Variants in COL25A1 observed in about 807,000 individuals in gnomAD.
COL25A1 encodes the protein collagen alpha-1(XXV) chain.
Under a neutral mutation model 128.4 loss-of-function variants are expected in COL25A1, and 103 were observed. The ratio of observed to expected loss-of-function variants is 0.80; its 90% CI spans 0.68 to 0.94. The LOEUF is 0.94. Ranked by LOEUF, COL25A1 falls within the 40% of genes least tolerant of loss-of-function variation. The pLI, the probability that COL25A1 is intolerant of heterozygous loss-of-function variation, is 0.00. For missense variants in COL25A1, 745 were observed against 840.0 expected, an observed-to-expected ratio of 0.89 and a Z score of 1.40; for synonymous variants, 279 against 277.2, an observed-to-expected ratio of 1.01 and a Z score of -0.06.
At chr4:108,919,024 T>C (rs904385283) in intron 12 of COL25A1, among the ~76,000 whole-genome samples, 1 of 152,242 alleles carries the variant, frequency 6.6e-6, no homozygotes, top group Non-Finnish European at 1.5e-5. Context: ...ACACCTTCCA[T>C]TTAGGCTCTG....
At chr4:108,939,970 C>A (rs1181088026) in intron 10 of COL25A1, among the ~76,000 whole-genome samples, 1 of 152,118 alleles carries the variant, frequency 6.6e-6, no homozygotes, top group Non-Finnish European at 1.5e-5. Context: ...TTAAACCATA[C>A]CCACTGATGT....
At chr4:108,829,732 C>T (rs548426251) in intron 32 of COL25A1, among the ~76,000 whole-genome samples, 2 of 152,194 alleles carry the variant, frequency 1.3e-5, no homozygotes, top group African/African-American at 4.8e-5. Context: ...CTAGAACAGC[C>T]CACCCCCAAA....
intron 3 of COL25A1, among the ~76,000 whole-genome samples, chr4:109,134,724 G>C (rs2126074231): frequency 6.6e-6 from 1 of 152,246 alleles, no homozygotes; most frequent in East Asian, 1.9e-4. Flanking sequence ...GCTATCGACT[G>C]AGATGGGGAG....
intron 3 of COL25A1, among the ~76,000 whole-genome samples, chr4:109,241,139 T>C (rs1259587487): frequency 2.6e-5 from 4 of 152,040 alleles, no homozygotes; most frequent in Admixed American, 6.6e-5. Flanking sequence ...AAGCCTTTTC[T>C]GGGATGTAAG....
intron 13 of COL25A1, among the ~76,000 whole-genome samples, chr4:108,913,685 C>A (rs1744529637): frequency 6.6e-6 from 1 of 152,098 alleles, no homozygotes; most frequent in Admixed American, 6.5e-5. Context: ...TAGAAAAATG[C>A]AGAGTTTTAA....
At chr4:109,072,465 T>C (rs1763047472) in intron 3 of COL25A1, among the ~76,000 whole-genome samples, 1 of 152,208 alleles carries the variant, frequency 6.6e-6, no homozygotes. Flanking sequence ...GTCTTGTGGT[T>C]ACTATTATCA....
intron 3 of COL25A1, among the ~76,000 whole-genome samples, chr4:109,243,068 T>C (rs1326255317): frequency 6.6e-6 from 1 of 152,176 alleles, no homozygotes; most frequent in Non-Finnish European, 1.5e-5. Context: ...GTATTTCTTT[T>C]ATAAAATTTT....
chr4:109,065,563 T>G, intron 3 of COL25A1, among the ~76,000 whole-genome samples: 1 of 151,574 alleles, frequency 6.6e-6, no homozygotes. Context: ...TGTGTGTGTG[T>G]GTGTGTGTGT....
intron 3 of COL25A1, among the ~76,000 whole-genome samples, chr4:109,180,372 A>G (rs890169961): frequency 1.3e-5 from 2 of 152,108 alleles, no homozygotes; most frequent in African/African-American, 2.4e-5. Flanking sequence ...TTATTTTAAA[A>G]CTCTAAAGGA....
intron 3 of COL25A1, among the ~76,000 whole-genome samples, chr4:109,207,124 C>T (rs1183300361): frequency 6.6e-6 from 1 of 152,120 alleles, no homozygotes; most frequent in Non-Finnish European, 1.5e-5. Context: ...TCCTATTTAC[C>T]TTGTGCTGGG....
chr4:108,819,732 A>T, intron 35 of COL25A1: 1 of 648,340 alleles, frequency 1.5e-6, no homozygotes, highest in Non-Finnish European at 2.2e-6. Flanking sequence ...CCCTCCTGTT[A>T]CGGATCCCTC....
intron 16 of COL25A1, 33 bp downstream of exon 16, chr4:108,896,634 A>T: frequency 6.2e-7 from 1 of 1,601,604 alleles, no homozygotes. Flanking sequence ...TCTTGCTCAC[A>T]TATGTACCCT....
chr4:109,099,449 G>A (rs541098589), intron 3 of COL25A1, among the ~76,000 whole-genome samples: 18 of 152,096 alleles, frequency 1.2e-4, no homozygotes, highest in Non-Finnish European at 2.1e-4. Context: ...CAAAGGTTCT[G>A]TTTAACTTCC....
intron 5 of COL25A1, among the ~76,000 whole-genome samples, chr4:109,016,166 C>T (rs1757196400): frequency 6.6e-6 from 1 of 152,236 alleles, no homozygotes; most frequent in Admixed American, 6.5e-5. Flanking sequence ...CCGGCCTCTC[C>T]CTACTCCTAG....
chr4:108,820,426 ACT>A (rs1731658453), intron 35 of COL25A1, among the ~76,000 whole-genome samples: 1 of 152,016 alleles, frequency 6.6e-6, no homozygotes, highest in Non-Finnish European at 1.5e-5. Context: ...TACTTGTGTA[ACT>A]CTCATTCAAA....
chr4:109,070,530 T>C (rs534466866), intron 3 of COL25A1, among the ~76,000 whole-genome samples: 2 of 152,286 alleles, frequency 1.3e-5, no homozygotes, highest in East Asian at 3.9e-4. Context: ...CCACACATTT[T>C]GGCTACTATT....
At chr4:108,924,716 G>T (rs1745851943) in intron 11 of COL25A1, among the ~76,000 whole-genome samples, 1 of 152,140 alleles carries the variant, frequency 6.6e-6, no homozygotes, top group Non-Finnish European at 1.5e-5. Flanking sequence ...CCCCTAATGG[G>T]TTCATACCTT....
intron 30 of COL25A1, among the ~76,000 whole-genome samples, chr4:108,842,920 G>A (rs1477313763): frequency 6.6e-6 from 1 of 152,106 alleles, no homozygotes; most frequent in Non-Finnish European, 1.5e-5. Context: ...CAAAGCGGGT[G>A]CATCACTTGG....
At chr4:108,973,960 T>TA (rs952973519) in intron 8 of COL25A1, among the ~76,000 whole-genome samples, 20 of 152,298 alleles carry the variant, frequency 1.3e-4, no homozygotes, top group Non-Finnish European at 1.2e-4. Context: ...ATTTTATCTG[T>TA]AAAAAAACAT....
Sources: gnomAD v4.1 joint callset for allele counts (sites outside exome capture counted in the v4.1 genomes callset) on GRCh38, gnomAD v4.1.1 for gene constraint, MANE v1.5 for transcripts, NCBI Gene and HGNC (gene_info 2026-07-23, HGNC 2026-07-21) for gene names.